TENM3: variants seen among roughly 807,000 people sequenced by gnomAD.
TENM3 encodes the protein teneurin-3.
TENM3 carries 63 observed loss-of-function variants against 255.1 expected under a neutral mutation model. The ratio of observed to expected loss-of-function variants is 0.25; its 90% CI spans 0.20 to 0.30. The LOEUF is 0.30. Ranked by LOEUF, TENM3 falls within the 10% of genes least tolerant of loss-of-function variation. The pLI, the probability that TENM3 is intolerant of heterozygous loss-of-function variation, is 1.00. For synonymous variants in TENM3, 1,306 were observed against 1,322.3 expected (o/e 0.99, Z 0.27); for missense variants, 2,929 against 3,461.1 (o/e 0.85, Z 3.86).
At chr4:181,884,473 G>A in the TENM3 span, among the ~76,000 whole-genome samples, 2 of 151,924 alleles carry the variant, frequency 1.3e-5, no homozygotes, top group East Asian at 1.9e-4. Context: ...CTCACTGTCC[G>A]CAGTCCCAAG....
chr4:182,734,774 C>G (rs1019948895), intron 16 of TENM3, among the ~76,000 whole-genome samples: 1 of 152,152 alleles, frequency 6.6e-6, no homozygotes, highest in Non-Finnish European at 1.5e-5. Context: ...TAAATTACAT[C>G]AGAGAAACAC....
At chr4:182,728,598 A>T (rs897144508) in intron 13 of TENM3, among the ~76,000 whole-genome samples, 1 of 152,186 alleles carries the variant, frequency 6.6e-6, no homozygotes, top group East Asian at 1.9e-4. Flanking sequence ...TACTTACGCA[A>T]ATCTAGATGG....
chr4:181,784,325 A>AT, the TENM3 span, among the ~76,000 whole-genome samples: 1 of 152,042 alleles, frequency 6.6e-6, no homozygotes, highest in Admixed American at 6.6e-5. Context: ...TGAACATGTG[A>AT]TTTTATCTCT....
chr4:182,731,277 G>C (rs532676559), intron 16 of TENM3, 138 bp downstream of exon 16: 1 of 803,370 alleles, frequency 1.2e-6, no homozygotes, highest in Admixed American at 2.6e-5. Flanking sequence ...AGGCCGAGGT[G>C]GGCAGATCAT....
the TENM3 span, among the ~76,000 whole-genome samples, chr4:181,760,890 T>C: frequency 6.6e-6 from 1 of 151,814 alleles, no homozygotes. Flanking sequence ...ATTACCTTCC[T>C]TACCCTGGGT....
chr4:181,951,220 G>A, the TENM3 span, among the ~76,000 whole-genome samples: 2 of 152,100 alleles, frequency 1.3e-5, no homozygotes, highest in African/African-American at 4.8e-5. Context: ...CTTACTTGAA[G>A]CCCACACACA....
intron 22 of TENM3, among the ~76,000 whole-genome samples, chr4:182,761,634 A>G (rs781412236): frequency 7.9e-5 from 12 of 152,120 alleles, no homozygotes; most frequent in Non-Finnish European, 1.8e-4. Context: ...ACACACATAT[A>G]TATCTTAAAA....
chr4:182,269,924 C>T (rs62354205), intron 1 of TENM3, among the ~76,000 whole-genome samples: 18,750 of 152,064 alleles, frequency 0.12, 1,384 homozygotes, highest in Middle Eastern at 0.25. Flanking sequence ...AATCAACACA[C>T]GTAAGGTATA....
chr4:182,330,322 G>A (rs149725646), intron 2 of TENM3, among the ~76,000 whole-genome samples: 2 of 152,314 alleles, frequency 1.3e-5, no homozygotes, highest in African/African-American at 4.8e-5. Context: ...GACAGTCATG[G>A]GGAAGTGTGA....
the TENM3 span, among the ~76,000 whole-genome samples, chr4:181,595,577 G>A: frequency 0.013 from 1,902 of 152,078 alleles, 56 homozygotes; most frequent in African/African-American, 0.043. Context: ...TACAATCTCA[G>A]GCATAATGAA....
the TENM3 span, among the ~76,000 whole-genome samples, chr4:181,972,200 T>A: frequency 9.9e-5 from 15 of 152,114 alleles, 1 homozygote; most frequent in South Asian, 3.1e-3. Context: ...GGCAGGCAGA[T>A]GGCTTGAGCC....
chr4:182,227,381 A>G (rs1328894017), intron 1 of TENM3, among the ~76,000 whole-genome samples: 2 of 152,096 alleles, frequency 1.3e-5, no homozygotes, highest in African/African-American at 4.8e-5. Flanking sequence ...CGGGGTATTC[A>G]AGGCCTCAAG....
At chr4:182,740,487 A>G (rs1761518979) in intron 18 of TENM3, among the ~76,000 whole-genome samples, 1 of 152,240 alleles carries the variant, frequency 6.6e-6, no homozygotes, top group Admixed American at 6.5e-5. Flanking sequence ...ACACAGTTTG[A>G]ACATATTTCT....
intron 3 of TENM3, among the ~76,000 whole-genome samples, chr4:182,366,398 A>G (rs1766432560): frequency 6.6e-6 from 1 of 151,798 alleles, no homozygotes; most frequent in Non-Finnish European, 1.5e-5. Context: ...TTATATGTCT[A>G]CATCCTTACT....
the TENM3 span, among the ~76,000 whole-genome samples, chr4:181,945,428 T>C: frequency 6.6e-6 from 1 of 152,066 alleles, no homozygotes; most frequent in African/African-American, 2.4e-5. Context: ...AATGTTATCA[T>C]GGTTGGAAAG....
At chr4:182,364,718 C>T (rs929021710) in intron 3 of TENM3, among the ~76,000 whole-genome samples, 1 of 152,174 alleles carries the variant, frequency 6.6e-6, no homozygotes. Flanking sequence ...CGCGCCCAGC[C>T]CCAACTTCAG....
At chr4:181,860,966 A>C in the TENM3 span, among the ~76,000 whole-genome samples, 2 of 152,172 alleles carry the variant, frequency 1.3e-5, no homozygotes. Context: ...TTATACACAA[A>C]AGATTCTCAC....
At chr4:181,723,522 G>C in the TENM3 span, among the ~76,000 whole-genome samples, 1 of 151,976 alleles carries the variant, frequency 6.6e-6, no homozygotes, top group East Asian at 1.9e-4. Flanking sequence ...GGATCATTTA[G>C]CTGGGTATAG....
At chr4:182,296,212 C>T (rs1228955529) in intron 1 of TENM3, among the ~76,000 whole-genome samples, 1 of 152,168 alleles carries the variant, frequency 6.6e-6, no homozygotes, top group Non-Finnish European at 1.5e-5. Context: ...ATTCGCCCAC[C>T]TTGGCCTCCC....
Sources: gnomAD v4.1 joint callset for allele counts (sites outside exome capture counted in the v4.1 genomes callset) on GRCh38, gnomAD v4.1.1 for gene constraint, MANE v1.5 for transcripts, NCBI Gene and HGNC (gene_info 2026-07-23, HGNC 2026-07-21) for gene names.